Variants in BCAT1 observed in about 807,000 individuals in gnomAD.
BCAT1 encodes branched-chain-amino-acid aminotransferase, cytosolic.
BCAT1 carries 48 observed loss-of-function variants against 52.4 expected under a neutral mutation model. The ratio of observed to expected loss-of-function variants is 0.92; its 90% confidence interval spans 0.73 to 1.16. The LOEUF (loss-of-function observed/expected upper bound fraction) is 1.16. Among genes scored for constraint, BCAT1 ranks in the 50% most tolerant of loss-of-function variants. The pLI is 0.00. For missense variants in BCAT1, 451 were observed against 457.1 expected (o/e 0.99, Z 0.12); for synonymous variants, 167 against 161.3 (o/e 1.04, Z -0.27).
At chr12:24,842,991 TGA>T (rs2139435959) in intron 6 of BCAT1, among the ~76,000 whole-genome samples, 1 of 152,240 alleles carries the variant, frequency 6.6e-6, no homozygotes, top group Non-Finnish European at 1.5e-5. Context: ...AGACAAAACA[TGA>T]GAGTCCTCAA....
chr12:24,933,588 C>G (rs1014023124), intron 1 of BCAT1, among the ~76,000 whole-genome samples: 5 of 152,050 alleles, frequency 3.3e-5, no homozygotes, highest in African/African-American at 1.2e-4. Context: ...GGAACCTGGT[C>G]GAAGGTGATT....
chr12:24,902,053 C>T, intron 1 of BCAT1, 168 bp from the exon 2 acceptor site: 2 of 1,538,598 alleles, frequency 1.3e-6, no homozygotes, highest in Non-Finnish European at 8.7e-7. Context: ...CTCCAACAAG[C>T]GTGTCTTGGG....
chr12:24,946,975 A>G (rs1319202095), intron 1 of BCAT1, among the ~76,000 whole-genome samples: 1 of 152,156 alleles, frequency 6.6e-6, no homozygotes, highest in East Asian at 1.9e-4. Context: ...ACTGAAACTT[A>G]TCAGATGAAA....
intron 5 of BCAT1, among the ~76,000 whole-genome samples, chr12:24,855,759 T>G (rs1031166279): frequency 6.6e-6 from 1 of 152,224 alleles, no homozygotes; most frequent in Non-Finnish European, 1.5e-5. Context: ...TCCTTTCTGC[T>G]GATTCCATCT....
chr12:24,907,611 C>T (rs1323817701), intron 1 of BCAT1, among the ~76,000 whole-genome samples: 11 of 152,170 alleles, frequency 7.2e-5, no homozygotes, highest in Admixed American at 6.5e-4. Flanking sequence ...CGATAATGTA[C>T]TTTGTGATAT....
chr12:24,853,531 T>C (rs1941577594), intron 5 of BCAT1, among the ~76,000 whole-genome samples: 1 of 152,188 alleles, frequency 6.6e-6, no homozygotes, highest in African/African-American at 2.4e-5. Flanking sequence ...CCTTAGAAGC[T>C]AAAATCTTTG....
intron 1 of BCAT1, 196 bp from the exon 2 acceptor site, chr12:24,902,081 C>T (rs1943120385): frequency 2.0e-6 from 3 of 1,491,936 alleles, no homozygotes; most frequent in East Asian, 4.9e-5. Flanking sequence ...CCCTGCACTT[C>T]CCACCCTGCC....
intron 5 of BCAT1, among the ~76,000 whole-genome samples, chr12:24,873,022 G>C (rs759609344): frequency 6.6e-6 from 1 of 152,192 alleles, no homozygotes; most frequent in Non-Finnish European, 1.5e-5. Context: ...AGGAAATAAA[G>C]GTCTGGGTCT....
At chr12:24,836,658 A>G in intron 7 of BCAT1, 62 bp from the exon 8 acceptor site, 2 of 1,340,380 alleles carry the variant, frequency 1.5e-6, no homozygotes, top group Non-Finnish European at 2.1e-6. Flanking sequence ...CTTATTATCA[A>G]TAGCCATTTT....
Position 24,836,519 on chromosome 12 carries a change from G to A in BCAT1, c.895C>T (p.His299Tyr), listed in dbSNP as rs774253968. ...VTRRCILDLAHQWGEFKVSER... is the reference protein window; with the variant it reads ...VTRRCILDLAYQWGEFKVSER... ...ATATCAAAGGCACCCACCCACTGATGTGCCAGGTCCAGAATGCACCGCCTT... is the reference window on the plus strand; with the variant it reads ...ATATCAAAGGCACCCACCCACTGATATGCCAGGTCCAGAATGCACCGCCTT... The change falls in exon 8 of 11, where the codon CAT becomes TAT. Residue 299 changes from histidine (H) to tyrosine (Y), a missense_variant. His to Tyr is a moderately conservative substitution (Grantham distance 83). Coordinates refer to ENST00000261192, the MANE Select transcript of BCAT1 (RefSeq NM_005504.7). The A allele has an allele frequency of 1.2e-6, 2 of 1,612,398 alleles. No individual in the cohort carries two copies. The highest frequency in any genetic ancestry group is 1.1e-5 in the South Asian group (1 of 90,536).
At chr12:24,901,291 G>A (rs1943095505) in intron 2 of BCAT1, among the ~76,000 whole-genome samples, 2 of 152,158 alleles carry the variant, frequency 1.3e-5, no homozygotes, top group African/African-American at 4.8e-5. Flanking sequence ...GGGAGGGTAG[G>A]AGATAGACTT....
At chr12:24,914,132 A>G (rs551322338) in intron 1 of BCAT1, among the ~76,000 whole-genome samples, 28 of 149,826 alleles carry the variant, frequency 1.9e-4, no homozygotes, top group Non-Finnish European at 3.4e-4. Flanking sequence ...CCCAGGCTAG[A>G]GTGCAGTGTC....
intron 5 of BCAT1, among the ~76,000 whole-genome samples, chr12:24,854,112 T>C (rs1201640541): frequency 6.6e-6 from 1 of 152,082 alleles, no homozygotes; most frequent in Non-Finnish European, 1.5e-5. Flanking sequence ...TGATGGAAAA[T>C]AAAAAGACAT....
At chr12:24,855,246 G>C (rs1448855237) in intron 5 of BCAT1, among the ~76,000 whole-genome samples, 1 of 150,990 alleles carries the variant, frequency 6.6e-6, no homozygotes, top group Admixed American at 6.6e-5. Flanking sequence ...CAGATAACGA[G>C]GGAACTGAGA....
At chr12:24,936,147 C>T (rs1836345851) in intron 1 of BCAT1, among the ~76,000 whole-genome samples, 1 of 152,208 alleles carries the variant, frequency 6.6e-6, no homozygotes, top group Non-Finnish European at 1.5e-5. Flanking sequence ...GTTACAGTAG[C>T]ACACCATTTC....
intron 3 of BCAT1, 70 bp downstream of exon 3, chr12:24,894,205 G>A: frequency 6.9e-7 from 1 of 1,456,248 alleles, no homozygotes; most frequent in Non-Finnish European, 9.5e-7. Context: ...AGCTATTTTA[G>A]CAGGAGAAGC....
intron 1 of BCAT1, among the ~76,000 whole-genome samples, chr12:24,919,725 G>A (rs768731879): frequency 1.3e-5 from 2 of 152,186 alleles, no homozygotes; most frequent in Non-Finnish European, 2.9e-5. Flanking sequence ...ACTGATATGG[G>A]TTAGCTATGT....
intron 9 of BCAT1, chr12:24,830,141 T>A (rs1331783959): frequency 2.8e-6 from 1 of 358,896 alleles, no homozygotes; most frequent in African/African-American, 2.1e-5. Context: ...AGGGCATAAC[T>A]GGTTTGTATA....
chr12:24,931,220 T>C (rs1303004479), intron 1 of BCAT1, among the ~76,000 whole-genome samples: 1 of 152,058 alleles, frequency 6.6e-6, no homozygotes, highest in Non-Finnish European at 1.5e-5. Context: ...ATGCTATTTT[T>C]TTAAAGGATT....
Sources: allele counts gnomAD v4.1 joint callset (sites outside exome capture counted in the v4.1 genomes callset), GRCh38; gene constraint gnomAD v4.1.1; transcripts MANE v1.5; gene names NCBI Gene and HGNC (gene_info 2026-07-23, HGNC 2026-07-21).